MIPEP: variants seen among roughly 807,000 people sequenced by gnomAD.
MIPEP encodes mitochondrial intermediate peptidase.
A neutral mutation model predicts 90.3 loss-of-function variants in MIPEP; 79 were observed. The ratio of observed to expected loss-of-function variants is 0.87; its 90% CI spans 0.73 to 1.05. The LOEUF (loss-of-function observed/expected upper bound fraction) is 1.05. Ranked by LOEUF, MIPEP falls within the 50% of genes least tolerant of loss-of-function variation. MIPEP has a pLI of 0.00. For synonymous variants in MIPEP, 334 were observed against 315.8 expected (o/e 1.06, Z -0.61); for missense variants, 940 against 905.6 (o/e 1.04, Z -0.49).
In MIPEP at chr13:23,889,337, T is replaced by C; in HGVS notation, c.-17A>G. On this transcript the variant is annotated 5_prime_UTR_variant, in exon 1 of 19. Coordinates refer to ENST00000382172, the MANE Select transcript of MIPEP (RefSeq NM_005932.4). ...GCACAGCATTCTAGCACCAGAGCAG[T>C]CCCTTCCTCCAACGCAGATCCCTGC... 1.5e-6 allele frequency: 2 copies of C among 1,310,608 alleles called. No individual in the cohort carries two copies. Among genetic ancestry groups the C allele is most frequent in the East Asian group, 6.3e-5 (2 of 31,850 alleles). The allele number at this position is 1,310,608 out of a possible 1,614,324, so 81.2% of individuals were successfully genotyped here. A position where few individuals can be genotyped will look rare whatever the true frequency, so the allele number is the denominator to read the frequency against.
At chr13:23,784,557 C>A (rs1275560539) in intron 16 of MIPEP, among the ~76,000 whole-genome samples, 1 of 152,058 alleles carries the variant, frequency 6.6e-6, no homozygotes, top group Admixed American at 6.5e-5. Flanking sequence ...CTAGGCAATA[C>A]CATTCAGGAC....
At chr13:23,846,357 A>G (rs750456457) in intron 10 of MIPEP, among the ~76,000 whole-genome samples, 14 of 152,214 alleles carry the variant, frequency 9.2e-5, no homozygotes, top group African/African-American at 1.7e-4. Context: ...GTGCTTTAGA[A>G]AGATTATTCT....
intron 7 of MIPEP, among the ~76,000 whole-genome samples, chr13:23,868,722 A>G (rs1254684617): frequency 6.6e-6 from 1 of 152,202 alleles, no homozygotes; most frequent in Non-Finnish European, 1.5e-5. Context: ...AAAACGTATT[A>G]TGTACATTTA....
At chr13:23,844,188 A>G (rs965482264) in intron 10 of MIPEP, among the ~76,000 whole-genome samples, 2 of 128,194 alleles carry the variant, frequency 1.6e-5, no homozygotes, top group Non-Finnish European at 3.4e-5. Flanking sequence ...CAGAGAAGGT[A>G]AAGGGCAGAC....
chr13:23,797,515 C>T (rs567437815), intron 16 of MIPEP, among the ~76,000 whole-genome samples: 1 of 152,310 alleles, frequency 6.6e-6, no homozygotes, highest in South Asian at 2.1e-4. Context: ...CCCACTCCTT[C>T]TCTTTTATCA....
chr13:23,734,982 G>T (rs994156221), intron 18 of MIPEP, among the ~76,000 whole-genome samples: 1 of 152,190 alleles, frequency 6.6e-6, no homozygotes, highest in Non-Finnish European at 1.5e-5. Context: ...TAGAAAGTGG[G>T]TCCACCCAAA....
chr13:23,861,010 T>A (rs1301703215), intron 9 of MIPEP, among the ~76,000 whole-genome samples: 1 of 152,156 alleles, frequency 6.6e-6, no homozygotes, highest in Non-Finnish European at 1.5e-5. Flanking sequence ...CAGTTTTTGA[T>A]TCAGTGGGTC....
intron 18 of MIPEP, among the ~76,000 whole-genome samples, chr13:23,751,396 A>G (rs530563478): frequency 1.3e-5 from 2 of 152,362 alleles, no homozygotes; most frequent in South Asian, 4.1e-4. Context: ...TCTGATGCGA[A>G]AAAACAAACA....
Position 23,820,207 on chromosome 13 carries a change from T to C in MIPEP, c.1654-10283A>G, listed in dbSNP as rs141533416. Among the ~76,000 whole-genome samples, 457 of 152,320 alleles carry C rather than the reference T, an allele frequency of 3.0e-3. 6 individuals are homozygous for C. The highest frequency in any genetic ancestry group is 0.011 in the African/African-American group (442 of 41,564). On this transcript the variant is annotated intron_variant, in intron 14 of 18. Transcript: ENST00000382172. ...GTTACTTGGCCTTCCCTTGATGTTG[T>C]CCAACTCTCGTGCTTGTGTTGACTG...
chr13:23,845,871 A>G (rs1375046082), intron 10 of MIPEP, among the ~76,000 whole-genome samples: 1 of 148,554 alleles, frequency 6.7e-6, no homozygotes, highest in African/African-American at 2.5e-5. Flanking sequence ...TATATTAGTG[A>G]TATTTATAGT....
chr13:23,848,587 A>G (rs1869658292), intron 10 of MIPEP, among the ~76,000 whole-genome samples: 1 of 152,150 alleles, frequency 6.6e-6, no homozygotes, highest in Non-Finnish European at 1.5e-5. Flanking sequence ...GGCAGAGGGG[A>G]GAAGCTGGGA....
At chr13:23,804,819 G>C (rs1246833099) in intron 16 of MIPEP, among the ~76,000 whole-genome samples, 2 of 152,104 alleles carry the variant, frequency 1.3e-5, no homozygotes, top group East Asian at 3.8e-4. Flanking sequence ...TCCAATCTTA[G>C]AGCAAATAAA....
chr13:23,853,072 A>T (rs768601705), intron 10 of MIPEP, among the ~76,000 whole-genome samples: 2 of 152,232 alleles, frequency 1.3e-5, no homozygotes, highest in African/African-American at 2.4e-5. Context: ...TTACAAAAGT[A>T]TCAAAAAGTT....
intron 16 of MIPEP, among the ~76,000 whole-genome samples, chr13:23,781,411 T>C (rs9507160): frequency 0.7 from 106,111 of 151,538 alleles, 39,641 homozygotes; most frequent in Non-Finnish European, 0.83. Context: ...TGCTGGGAGA[T>C]TTTGTCACCA....
At chr13:23,866,362 T>C (rs1249764911) in intron 7 of MIPEP, among the ~76,000 whole-genome samples, 4 of 152,180 alleles carry the variant, frequency 2.6e-5, no homozygotes. Flanking sequence ...TCTTACGTGA[T>C]GATGTGCACA....
At chr13:23,758,329 T>C (rs186154307) in intron 17 of MIPEP, among the ~76,000 whole-genome samples, 1 of 152,258 alleles carries the variant, frequency 6.6e-6, no homozygotes, top group African/African-American at 2.4e-5. Context: ...AGGAGTGAGA[T>C]CAAAAAGGAG....
chr13:23,773,950 T>C (rs1006183535), intron 16 of MIPEP, among the ~76,000 whole-genome samples: 1 of 152,226 alleles, frequency 6.6e-6, no homozygotes, highest in Non-Finnish European at 1.5e-5. Context: ...ATCTTCTGTT[T>C]CTTTGGTTGT....
At chr13:23,739,243 C>T (rs916276699) in intron 18 of MIPEP, among the ~76,000 whole-genome samples, 11 of 152,086 alleles carry the variant, frequency 7.2e-5, no homozygotes, top group Admixed American at 2.0e-4. Flanking sequence ...GTAGTGGGGA[C>T]GGAGAAAGGG....
Position 23,877,365 on chromosome 13 carries a change from C to G in MIPEP, c.539+1903G>C, listed in dbSNP as rs1384530139. 2.0e-5 allele frequency among the ~76,000 whole-genome samples: 3 copies of G among 152,134 alleles called. No homozygotes were observed. The East Asian group carries it at 5.8e-4, about 29-fold the overall frequency. ...GCACTCTACCTTCCCAAGTTCATTC[C>G]AACGTGTGTTACAGCTTTGGCTGTT... On this transcript the variant is annotated intron_variant, in intron 4 of 18. Transcript: ENST00000382172.
Sources: gnomAD v4.1 joint callset for allele counts (sites outside exome capture counted in the v4.1 genomes callset) on GRCh38, gnomAD v4.1.1 for gene constraint, MANE v1.5 for transcripts, NCBI Gene and HGNC (gene_info 2026-07-23, HGNC 2026-07-21) for gene names.